PKP4: variants seen among roughly 807,000 people sequenced by gnomAD.
The protein encoded by PKP4 is plakophilin-4.
Under a neutral mutation model 145.1 loss-of-function variants are expected in PKP4, and 90 were observed. The observed-to-expected ratio is 0.62, with a 90% CI of 0.52 to 0.74. The LOEUF (loss-of-function observed/expected upper bound fraction) is 0.74. Ranked by LOEUF, PKP4 falls within the 30% of genes least tolerant of loss-of-function variation. PKP4 has a pLI of 0.00. For synonymous variants in PKP4, 563 were observed against 577.2 expected (o/e 0.98, Z 0.35); for missense variants, 1,340 against 1,482.7 (o/e 0.90, Z 1.58).
At chr2:158,502,631 C>T (rs1312952357) in intron 1 of PKP4, among the ~76,000 whole-genome samples, 2 of 152,184 alleles carry the variant, frequency 1.3e-5, no homozygotes, top group African/African-American at 4.8e-5. Flanking sequence ...TGACTTCTTT[C>T]CAGTCCTGTA....
chr2:158,494,452 A>G (rs71421079), intron 1 of PKP4, among the ~76,000 whole-genome samples: 1 of 152,160 alleles, frequency 6.6e-6, no homozygotes, highest in Non-Finnish European at 1.5e-5. Context: ...CGAATTATGA[A>G]CCTGATATGT....
chr2:158,645,669 G>A (rs917011859), intron 11 of PKP4, among the ~76,000 whole-genome samples: 17 of 152,188 alleles, frequency 1.1e-4, no homozygotes, highest in Admixed American at 3.3e-4. Flanking sequence ...ATCATGACTC[G>A]ATCCTTACAT....
At chr2:158,487,631 A>G (rs1254786684) in intron 1 of PKP4, among the ~76,000 whole-genome samples, 8 of 152,230 alleles carry the variant, frequency 5.3e-5, no homozygotes, top group Admixed American at 3.3e-4. Flanking sequence ...ACATGCTGAA[A>G]GAACTTGAAG....
Position 158,475,749 on chromosome 2 carries a change from T to C in PKP4, c.-6+18531T>C, listed in dbSNP as rs539721504. Among the ~76,000 whole-genome samples the C allele has an allele frequency of 1.2e-3, 189 of 152,330 alleles. 6 individuals are homozygous for C. In the South Asian group the frequency reaches 0.037, roughly 30 times the overall value. ...GTGGAAGTAAGACCCATTTGTTCAC[T>C]GTGAAAACTGACTCAGTGCACCCCT... On this transcript the variant is annotated intron_variant, in intron 1 of 21. Transcript: ENST00000389759.
At chr2:158,484,000 A>G (rs958911130) in intron 1 of PKP4, among the ~76,000 whole-genome samples, 3 of 151,636 alleles carry the variant, frequency 2.0e-5, no homozygotes, top group Admixed American at 6.6e-5. Flanking sequence ...GAGCATAACA[A>G]GAACGTGCAC....
intron 7 of PKP4, among the ~76,000 whole-genome samples, chr2:158,630,401 C>T (rs1465848394): frequency 6.6e-6 from 1 of 151,970 alleles, no homozygotes; most frequent in African/African-American, 2.4e-5. Flanking sequence ...AGAAGGTAAA[C>T]AAGAATCTGG....
At chr2:158,484,841 A>G (rs1231997100) in intron 1 of PKP4, among the ~76,000 whole-genome samples, 2 of 152,208 alleles carry the variant, frequency 1.3e-5, no homozygotes, top group Non-Finnish European at 2.9e-5. Flanking sequence ...GTGGGGTGCA[A>G]GCACAGCCCC....
At chr2:158,471,494 CAAAA>C (rs1691566525) in intron 1 of PKP4, among the ~76,000 whole-genome samples, 1 of 152,044 alleles carries the variant, frequency 6.6e-6, no homozygotes, top group African/African-American at 2.4e-5. Context: ...TGCTCATTGT[CAAAA>C]AAAGCCTTCA....
chr2:158,661,192 C>CCATGCA (rs10633217), intron 12 of PKP4, 141 bp from the exon 13 acceptor site: 21,292 of 595,906 alleles, frequency 0.036, 1,383 homozygotes, highest in African/African-American at 0.21. Context: ...CAGGATGTTA[C>CCATGCA]CATGCAAGCC....
rs2058406883 is a variant in PKP4, at chr2:158,681,270, A to G, written c.*593A>G. On this transcript the variant is annotated 3_prime_UTR_variant, in exon 22 of 22. Coordinates refer to ENST00000389759, the MANE Select transcript of PKP4 (RefSeq NM_003628.6). ...TGTGAGCAATTAAAAGCAAACCGCGACACCCTTTGTCTCCACCACACATAG... is the reference window on the plus strand; with the variant it reads ...TGTGAGCAATTAAAAGCAAACCGCGGCACCCTTTGTCTCCACCACACATAG... 6.5e-6 allele frequency: 1 copy of G among 153,164 alleles called. No homozygotes were observed. The highest frequency in any genetic ancestry group is 2.4e-5 in the African/African-American group (1 of 41,436). The allele number at this position is 153,164 out of a possible 1,614,324, so 9.5% of individuals were successfully genotyped here.
chr2:158,508,780 T>G (rs2105519559), intron 1 of PKP4, among the ~76,000 whole-genome samples: 1 of 152,334 alleles, frequency 6.6e-6, no homozygotes, highest in South Asian at 2.1e-4. Flanking sequence ...TGACACAGGC[T>G]TTATAATCCT....
chr2:158,502,995 G>C (rs940694534), intron 1 of PKP4, among the ~76,000 whole-genome samples: 1 of 152,084 alleles, frequency 6.6e-6, no homozygotes, highest in Non-Finnish European at 1.5e-5. Flanking sequence ...AAGACTTTAG[G>C]CCTGTAATAT....
At chr2:158,493,095 C>T (rs1022189282) in intron 1 of PKP4, among the ~76,000 whole-genome samples, 10 of 151,940 alleles carry the variant, frequency 6.6e-5, no homozygotes, top group Non-Finnish European at 1.5e-4. Flanking sequence ...CTTTCAGTTA[C>T]TTTGTCTATT....
chr2:158,663,207 T>C (rs1464120758), intron 14 of PKP4, 65 bp from the exon 15 acceptor site: 2 of 1,549,260 alleles, frequency 1.3e-6, no homozygotes, highest in Non-Finnish European at 1.8e-6. Flanking sequence ...CAAAGGTGAA[T>C]GTTTTCAAGT....
intron 6 of PKP4, among the ~76,000 whole-genome samples, chr2:158,623,787 G>A (rs1261045903): frequency 6.6e-6 from 1 of 152,184 alleles, no homozygotes; most frequent in African/African-American, 2.4e-5. Context: ...ATGACAACTA[G>A]ACTCTAGCAG....
At chr2:158,510,635 T>G (rs766301909) in intron 1 of PKP4, among the ~76,000 whole-genome samples, 4 of 152,214 alleles carry the variant, frequency 2.6e-5, no homozygotes, top group Non-Finnish European at 4.4e-5. Context: ...TGGAGTTGTT[T>G]GACACTTGCT....
chr2:158,470,229 C>T (rs1691335529), intron 1 of PKP4, among the ~76,000 whole-genome samples: 1 of 152,150 alleles, frequency 6.6e-6, no homozygotes, highest in South Asian at 2.1e-4. Context: ...TGTTTACAAC[C>T]TTAGTTATCC....
At chr2:158,554,429 AT>A (rs563557560) in intron 2 of PKP4, among the ~76,000 whole-genome samples, 36 of 141,192 alleles carry the variant, frequency 2.5e-4, no homozygotes, top group African/African-American at 7.0e-4. Context: ...TATTATTATT[AT>A]TTTTTTTTTT....
chr2:158,611,831 G>T (rs912530424), intron 4 of PKP4, among the ~76,000 whole-genome samples: 1 of 151,884 alleles, frequency 6.6e-6, no homozygotes, highest in Non-Finnish European at 1.5e-5. Context: ...TAAATATAAG[G>T]ATGATAAGAA....
Sources: allele counts gnomAD v4.1 joint callset (sites outside exome capture counted in the v4.1 genomes callset), GRCh38; gene constraint gnomAD v4.1.1; transcripts MANE v1.5; gene names NCBI Gene and HGNC (gene_info 2026-07-23, HGNC 2026-07-21).